HMCN1: variants seen among roughly 807,000 people sequenced by gnomAD.
The protein encoded by HMCN1 is hemicentin-1.
Under a neutral mutation model 625.9 loss-of-function variants are expected in HMCN1, and 321 were observed. That is an observed-to-expected ratio of 0.51 (90% CI 0.47 to 0.56). The LOEUF is 0.56. Among genes scored for constraint, HMCN1 ranks in the 20% least tolerant of loss-of-function variants. HMCN1 has a pLI of 0.00. For synonymous variants in HMCN1, 2,425 were observed against 2,417.6 expected (o/e 1.00, Z -0.09); for missense variants, 6,588 against 6,887.3 (o/e 0.96, Z 1.54).
intron 105 of HMCN1, among the ~76,000 whole-genome samples, chr1:186,185,916 C>T (rs1653269889): frequency 6.6e-6 from 1 of 152,186 alleles, no homozygotes; most frequent in African/African-American, 2.4e-5. Flanking sequence ...ATGCTATATG[C>T]AGCCAATTGA....
At chr1:185,894,064 G>A (rs1372723091) in intron 4 of HMCN1, among the ~76,000 whole-genome samples, 1 of 151,952 alleles carries the variant, frequency 6.6e-6, no homozygotes, top group African/African-American at 2.4e-5. Flanking sequence ...GAACCCGGGA[G>A]GCAGAGCTTG....
chr1:186,016,378 AC>A (rs1266560319), intron 32 of HMCN1, 139 bp downstream of exon 32: 1 of 747,852 alleles, frequency 1.3e-6, no homozygotes, highest in Non-Finnish European at 2.2e-6. Context: ...ATTGCACATT[AC>A]CAAGGGGTGG....
chr1:185,923,866 G>C (rs1350085833), intron 8 of HMCN1, among the ~76,000 whole-genome samples: 1 of 152,168 alleles, frequency 6.6e-6, no homozygotes, highest in Admixed American at 6.5e-5. Flanking sequence ...ACTGATTGCA[G>C]ATCTGAGAAT....
intron 11 of HMCN1, among the ~76,000 whole-genome samples, chr1:185,949,307 T>A (rs529784699): frequency 2.0e-5 from 3 of 151,736 alleles, no homozygotes; most frequent in African/African-American, 4.9e-5. Context: ...ACAAGTTTTT[T>A]TGGGCACAGT....
In HMCN1 at chr1:185,846,118, T is replaced by C. The variant is rs758270694; in HGVS notation, c.339+22T>C. On this transcript the variant is annotated intron_variant, in intron 2 of 106. Transcript: ENST00000271588. Reference sequence around the variant, plus strand: ...TCAGGTGAGTGCTTGCTTTCAGTGTTCTCTTGGGGGAATGGAAAATCATGA... The same window carrying C: ...TCAGGTGAGTGCTTGCTTTCAGTGTCCTCTTGGGGGAATGGAAAATCATGA... 4.8e-5 allele frequency: 74 copies of C among 1,529,464 alleles called. 1 individual carries two copies. The highest frequency in any genetic ancestry group is 6.4e-5 in the Non-Finnish European group (71 of 1,103,418). The allele number at this position is 1,529,464 out of a possible 1,614,324, so 94.7% of individuals were successfully genotyped here. A position where few individuals can be genotyped will look rare whatever the true frequency, so the allele number is the denominator to read the frequency against.
At chr1:185,922,350 T>A (rs757878272) in intron 6 of HMCN1, 29 bp from the exon 7 acceptor site, 3 of 1,612,540 alleles carry the variant, frequency 1.9e-6, no homozygotes, top group Non-Finnish European at 2.5e-6. Flanking sequence ...GATCAACTGC[T>A]GACCAGGTTT....
chr1:185,970,288 A>G (rs748640035), intron 14 of HMCN1, 47 bp from the exon 15 acceptor site: 2 of 1,554,240 alleles, frequency 1.3e-6, no homozygotes, highest in Non-Finnish European at 1.8e-6. Flanking sequence ...TGCATAAACA[A>G]TTTTAATACT....
Position 186,114,863 on chromosome 1 carries a change from A to G in HMCN1, c.11321A>G (p.His3774Arg), listed in dbSNP as rs977736968. 2 of 1,614,128 alleles carry G rather than the reference A, an allele frequency of 1.2e-6. No individual in the cohort carries two copies. Among genetic ancestry groups the G allele is most frequent in the Non-Finnish European group, 1.7e-6 (2 of 1,179,942 alleles). ...ENGFLHIQSA[H>R]VTDTGRYLCM... ...GGATTCCTTCATATTCAATCAGCAC[A>G]TGTCACTGACACTGGACGGTATTTG... Residue 3774 changes from histidine (H) to arginine (R), a missense_variant, in exon 74 of 107, where the codon CAT (histidine) becomes CGT (arginine). Physicochemically the swap from His to Arg is conservative, Grantham distance 29. Around this residue, in one of 3 missense-constraint regions of HMCN1, gnomAD observed 4,628 missense variants for 4,853.1 expected, o/e 0.95. Coordinates refer to ENST00000271588, the MANE Select transcript of HMCN1 (RefSeq NM_031935.3).
At chr1:186,022,663 G>A (rs1468565958) in intron 35 of HMCN1, among the ~76,000 whole-genome samples, 1 of 151,506 alleles carries the variant, frequency 6.6e-6, no homozygotes, top group Non-Finnish European at 1.5e-5. Flanking sequence ...AAAAGTCATT[G>A]TTTTAAAACT....
intron 4 of HMCN1, among the ~76,000 whole-genome samples, chr1:185,894,815 G>A (rs1277068485): frequency 6.6e-6 from 1 of 152,140 alleles, no homozygotes; most frequent in Non-Finnish European, 1.5e-5. Flanking sequence ...TTTAGATTGA[G>A]CTATAGGATT....
intron 1 of HMCN1, among the ~76,000 whole-genome samples, chr1:185,743,954 AG>A (rs1297579791): frequency 6.6e-6 from 1 of 151,534 alleles, no homozygotes; most frequent in Non-Finnish European, 1.5e-5. Context: ...ACATAGAAAA[AG>A]ATTCTACTTG....
At chr1:185,739,079 T>C (rs1653797487) in intron 1 of HMCN1, among the ~76,000 whole-genome samples, 1 of 152,184 alleles carries the variant, frequency 6.6e-6, no homozygotes, top group Non-Finnish European at 1.5e-5. Flanking sequence ...ACATGTGTAC[T>C]CAGTGTTTAG....
intron 89 of HMCN1, among the ~76,000 whole-genome samples, chr1:186,142,104 G>A (rs775013525): frequency 1.3e-5 from 2 of 152,080 alleles, no homozygotes; most frequent in Admixed American, 6.6e-5. Flanking sequence ...TTTGTCACCT[G>A]GATACTAAGC....
At chr1:185,806,903 T>C (rs958091578) in intron 1 of HMCN1, among the ~76,000 whole-genome samples, 2 of 152,186 alleles carry the variant, frequency 1.3e-5, no homozygotes, top group African/African-American at 4.8e-5. Context: ...CTTTCCATCC[T>C]CATTTCCTGT....
At chr1:185,829,417 C>T (rs554579010) in intron 1 of HMCN1, among the ~76,000 whole-genome samples, 1 of 152,104 alleles carries the variant, frequency 6.6e-6, no homozygotes, top group Non-Finnish European at 1.5e-5. Context: ...TCACCCCTTA[C>T]CCCCCAACAG....
chr1:186,178,807 C>A, intron 104 of HMCN1, 41 bp downstream of exon 104: 1 of 1,307,218 alleles, frequency 7.6e-7, no homozygotes, highest in South Asian at 1.2e-5. Context: ...TGTGGGCTCT[C>A]TTACTGATCA....
intron 89 of HMCN1, 111 bp from the exon 90 acceptor site, chr1:186,144,062 C>A: frequency 1.1e-6 from 1 of 915,078 alleles, no homozygotes; most frequent in Middle Eastern, 2.4e-4. Flanking sequence ...AGTTTCAATT[C>A]TCTTAGATTG....
intron 87 of HMCN1, 47 bp downstream of exon 87, chr1:186,136,984 A>T (rs756197760): frequency 6.2e-7 from 1 of 1,601,430 alleles, no homozygotes; most frequent in Non-Finnish European, 8.5e-7. Context: ...ACCTGGGGTG[A>T]CTCAAATCAT....
At chr1:186,077,940 G>T (rs1658930239) in intron 54 of HMCN1, among the ~76,000 whole-genome samples, 167 bp from the exon 55 acceptor site, 1 of 152,162 alleles carries the variant, frequency 6.6e-6, no homozygotes, top group African/African-American at 2.4e-5. Flanking sequence ...TAATAATGCA[G>T]TGTTTGTTGT....
Sources: allele counts gnomAD v4.1 joint callset (sites outside exome capture counted in the v4.1 genomes callset), GRCh38; gene constraint gnomAD v4.1.1; regional missense constraint gnomAD v4.1.1; transcripts MANE v1.5; gene names NCBI Gene and HGNC (gene_info 2026-07-23, HGNC 2026-07-21).